The following EMCN variants were observed in gnomAD, a reference collection of about 807,000 sequenced individuals.
EMCN encodes endomucin.
In EMCN, 37 loss-of-function variants were observed where a neutral mutation model predicts 38.4. The ratio of observed to expected loss-of-function variants is 0.96; its 90% CI spans 0.74 to 1.27. EMCN has a LOEUF of 1.27. EMCN is among the 50% of genes most tolerant of loss of function. The probability of loss-of-function intolerance (pLI) is 0.00; values close to 1 mark genes in which losing one functional copy is unlikely to be tolerated. For synonymous variants in EMCN, 95 were observed against 100.8 expected (o/e 0.94, Z 0.35); for missense variants, 318 against 302.8 (o/e 1.05, Z -0.37).
At chr4:100,419,623 C>T (rs1473422768) in intron 8 of EMCN, among the ~76,000 whole-genome samples, 1 of 151,958 alleles carries the variant, frequency 6.6e-6, no homozygotes, top group Non-Finnish European at 1.5e-5. Context: ...TTTACATATC[C>T]TGCTTACTCA....
intron 2 of EMCN, among the ~76,000 whole-genome samples, chr4:100,475,663 T>G (rs1380710911): frequency 4.4e-4 from 4 of 9,064 alleles, no homozygotes; most frequent in Non-Finnish European, 9.7e-4. Context: ...CTAGTCCTTT[T>G]TTTTTTTTTT....
chr4:100,480,985 C>T (rs1357924873), intron 1 of EMCN, among the ~76,000 whole-genome samples: 1 of 151,946 alleles, frequency 6.6e-6, no homozygotes, highest in African/African-American at 2.4e-5. Context: ...ATTTTTAGTC[C>T]TGTATTTTGT....
At position 100,504,714 on chromosome 4, in the gene EMCN, C is replaced by T. The variant is rs996668721; in HGVS notation, c.64+13137G>A. On this transcript the variant is annotated intron_variant, in intron 1 of 11. Coordinates refer to ENST00000296420, the MANE Select transcript of EMCN (RefSeq NM_016242.4). The stretch of plus-strand genomic sequence containing the variant: ...GTCTGGGAAGACGCCTTTTGCCAAG[C>T]GGACCACGGTCTAGCGGTAGAGTCA... Among the ~76,000 whole-genome samples, 8 of 152,214 alleles carry T rather than the reference C, an allele frequency of 5.3e-5. No homozygotes were observed. In the East Asian group the frequency reaches 7.7e-4, roughly 15 times the overall value.
intron 8 of EMCN, among the ~76,000 whole-genome samples, chr4:100,419,890 A>G (rs1409144643): frequency 6.6e-6 from 1 of 152,056 alleles, no homozygotes; most frequent in African/African-American, 2.4e-5. Context: ...ATCATACTAC[A>G]ACTGTCCATG....
At chr4:100,443,534 G>A (rs1187230926) in intron 5 of EMCN, among the ~76,000 whole-genome samples, 1 of 152,236 alleles carries the variant, frequency 6.6e-6, no homozygotes, top group Non-Finnish European at 1.5e-5. Context: ...TCCCACAGTG[G>A]GGAGTCTTAG....
At chr4:100,438,474 T>G (rs111583596) in intron 5 of EMCN, among the ~76,000 whole-genome samples, 6 of 152,214 alleles carry the variant, frequency 3.9e-5, no homozygotes, top group African/African-American at 1.4e-4. Context: ...CTGAATTCAT[T>G]TATTAGTTCT....
intron 1 of EMCN, among the ~76,000 whole-genome samples, chr4:100,494,217 G>T (rs1162539792): frequency 1.3e-5 from 2 of 152,068 alleles, no homozygotes; most frequent in East Asian, 3.9e-4. Flanking sequence ...AAAATATTTT[G>T]AGCTATGTCA....
chr4:100,492,244 C>A (rs561880452), intron 1 of EMCN, among the ~76,000 whole-genome samples: 2 of 151,940 alleles, frequency 1.3e-5, no homozygotes, highest in East Asian at 3.9e-4. Flanking sequence ...AAATAGAAAT[C>A]CTTGAGATAA....
intron 1 of EMCN, among the ~76,000 whole-genome samples, chr4:100,488,231 A>C (rs1228615848): frequency 6.6e-6 from 1 of 152,216 alleles, no homozygotes; most frequent in Non-Finnish European, 1.5e-5. Context: ...CATGACAAAT[A>C]ATAAAGAATA....
At position 100,486,396 on chromosome 4, in the gene EMCN, C is replaced by A. The variant is rs759635585; in HGVS notation, c.65-6357G>T. Among the ~76,000 whole-genome samples the A allele has an allele frequency of 2.5e-4, 38 of 152,108 alleles. 1 individual carries two copies. Among genetic ancestry groups the A allele is most frequent in the Non-Finnish European group, 2.1e-4 (14 of 68,016 alleles). On this transcript the variant is annotated intron_variant, in intron 1 of 11. Coordinates refer to ENST00000296420, the MANE Select transcript of EMCN (RefSeq NM_016242.4). ...TTTTGGGAGGGGAAATCAGGGAAAT[C>A]CCATTTACAATGAAAACATCAGAGC...
intron 3 of EMCN, among the ~76,000 whole-genome samples, chr4:100,473,373 G>GTTTTTTTTTTTTTTTTTTTTTTTTT (rs1256284835): frequency 1.1e-4 from 7 of 65,984 alleles, no homozygotes; most frequent in Non-Finnish European, 1.8e-4. Flanking sequence ...GTGTTTTTTT[G>GTTTTTTTTTTTTTTTTTTTTTTTTT]TTTTTTTTTT....
intron 1 of EMCN, among the ~76,000 whole-genome samples, chr4:100,493,351 G>A (rs1729133941): frequency 6.6e-6 from 1 of 151,986 alleles, no homozygotes; most frequent in Non-Finnish European, 1.5e-5. Context: ...GATTATAGTT[G>A]TAAAACAAAA....
chr4:100,409,520 A>AT (rs1374114054), intron 11 of EMCN, among the ~76,000 whole-genome samples: 2 of 152,118 alleles, frequency 1.3e-5, no homozygotes, highest in African/African-American at 4.8e-5. Context: ...AGAAATTTCC[A>AT]TTTTTTATTG....
intron 10 of EMCN, among the ~76,000 whole-genome samples, chr4:100,412,995 C>A (rs964767): frequency 0.91 from 138,980 of 152,200 alleles, 63,458 homozygotes; most frequent in South Asian, 0.96. Flanking sequence ...TTTGGCATCC[C>A]TTGGCATTTT....
chr4:100,440,799 T>C (rs916711455), intron 5 of EMCN, among the ~76,000 whole-genome samples: 9 of 152,104 alleles, frequency 5.9e-5, no homozygotes. Context: ...GTGGGATTGC[T>C]GGATGATCTA....
intron 2 of EMCN, among the ~76,000 whole-genome samples, chr4:100,477,860 T>G (rs1728703142): frequency 6.6e-6 from 1 of 152,086 alleles, no homozygotes; most frequent in African/African-American, 2.4e-5. Flanking sequence ...TGTATAAAAC[T>G]CCTCCAAATT....
rs148683125 is a variant in EMCN, at chr4:100,498,732, G to A, written c.65-18693C>T. On this transcript the variant is annotated intron_variant, in intron 1 of 11. Coordinates refer to ENST00000296420, the MANE Select transcript of EMCN (RefSeq NM_016242.4). ...GCTGGGAGTACAGGCGTGAGCCACC[G>A]TGCCCGGCCTATGCATAACAATTAT... is the stretch of plus-strand genomic sequence containing the variant. Among the ~76,000 whole-genome samples the A allele has an allele frequency of 6.6e-3, 999 of 152,234 alleles. 10 individuals carry two copies. Among genetic ancestry groups the A allele is most frequent in the African/African-American group, 0.023 (942 of 41,538 alleles).
At chr4:100,439,359 G>GT (rs1011987400) in intron 5 of EMCN, among the ~76,000 whole-genome samples, 4 of 150,840 alleles carry the variant, frequency 2.7e-5, no homozygotes, top group South Asian at 2.1e-4. Context: ...TTTAGTTTTT[G>GT]TTTTTTTGTT....
chr4:100,457,729 A>G (rs1418931110), intron 4 of EMCN, among the ~76,000 whole-genome samples: 1 of 152,190 alleles, frequency 6.6e-6, no homozygotes, highest in East Asian at 1.9e-4. Context: ...ATTTGCATCA[A>G]TATTCATTAA....
Sources: gnomAD v4.1 joint callset for allele counts (sites outside exome capture counted in the v4.1 genomes callset) on GRCh38, gnomAD v4.1.1 for gene constraint, MANE v1.5 for transcripts, NCBI Gene and HGNC (gene_info 2026-07-23, HGNC 2026-07-21) for gene names.